TCTN2: variants seen among roughly 807,000 people sequenced by gnomAD.
The protein encoded by TCTN2 is tectonic-2.
TCTN2 carries 66 observed loss-of-function variants against 83.4 expected under a neutral mutation model. The ratio of observed to expected loss-of-function variants is 0.79; its 90% confidence interval spans 0.65 to 0.97. The LOEUF is 0.97. Among genes scored for constraint, TCTN2 ranks in the 50% least tolerant of loss-of-function variants. The pLI is 0.00. For missense variants in TCTN2, 794 were observed against 858.1 expected (o/e 0.93, Z 0.93); for synonymous variants, 301 against 326.7 (o/e 0.92, Z 0.85).
intron 4 of TCTN2, among the ~76,000 whole-genome samples, chr12:123,675,000 C>T (rs1955803753): frequency 1.3e-5 from 2 of 152,128 alleles, no homozygotes; most frequent in African/African-American, 4.8e-5. Flanking sequence ...GCCACAGCCT[C>T]CATAGTAGCT....
intron 4 of TCTN2, among the ~76,000 whole-genome samples, chr12:123,677,162 C>T (rs551189005): frequency 6.6e-6 from 1 of 152,114 alleles, no homozygotes; most frequent in Admixed American, 6.6e-5. Context: ...GCCTGGGCAG[C>T]AGAGTGAGAC....
At chr12:123,679,814 A>G (rs1466300191) in intron 5 of TCTN2, among the ~76,000 whole-genome samples, 1 of 132,152 alleles carries the variant, frequency 7.6e-6, no homozygotes, top group African/African-American at 2.9e-5. Context: ...ATCTTGGCTC[A>G]CTGCAAGCTC....
chr12:123,696,583 T>C, intron 12 of TCTN2, 88 bp downstream of exon 12: 2 of 1,233,010 alleles, frequency 1.6e-6, no homozygotes, highest in Non-Finnish European at 2.4e-6. Context: ...AGCAATCAAT[T>C]ATTTTAAAGC....
At position 123,687,001 on chromosome 12, in the gene TCTN2, A is replaced by G; in HGVS notation, c.730A>G (p.Thr244Ala). The G allele has an allele frequency of 1.9e-6, 3 of 1,614,022 alleles. No homozygotes were observed. The South Asian group carries it at 3.3e-5, about 18-fold the overall frequency. Residue 244 changes from threonine to alanine, a missense_variant, in exon 6 of 18, where the codon ACA becomes GCA. Physicochemically the swap from Thr to Ala is moderately conservative, Grantham distance 58. Coordinates refer to ENST00000303372, the MANE Select transcript of TCTN2 (RefSeq NM_024809.5). ...FLCVQSPLAN[T>A]PFLGYFYHGA... ...GTGTGTGCAGTCCCCCCTTGCCAAC[A>G]CACCCTTCCTTGGTTACTTCTATCA... is the stretch of plus-strand genomic sequence containing the variant.
chr12:123,701,415 A>G (rs570261658), intron 14 of TCTN2, among the ~76,000 whole-genome samples: 1 of 152,290 alleles, frequency 6.6e-6, no homozygotes, highest in South Asian at 2.1e-4. Context: ...TTATATCTCA[A>G]TAAAGCTGTC....
At chr12:123,673,539 A>G (rs1169165189) in intron 3 of TCTN2, 76 bp from the exon 4 acceptor site, 10 of 1,428,092 alleles carry the variant, frequency 7.0e-6, no homozygotes, top group African/African-American at 1.4e-5. Flanking sequence ...GTGTACTTTT[A>G]TTGTGTTTTC....
chr12:123,690,518 G>T lies in TCTN2; in HGVS notation c.892-15G>T, dbSNP rs1386924870. 6.2e-7 allele frequency: 1 copy of T among 1,614,154 alleles called. No individual in the cohort carries two copies. Among genetic ancestry groups the T allele is most frequent in the Non-Finnish European group, 8.5e-7 (1 of 1,180,022 alleles). ...GAGAGGCCATAAATCTGTTGGCTTT[G>T]CCCTTCTCCCTCAGGTGTCCCTGGC... On this transcript the variant is annotated splice_polypyrimidine_tract_variant and intron_variant, in intron 7 of 17. Coordinates refer to ENST00000303372, the MANE Select transcript of TCTN2 (RefSeq NM_024809.5).
intron 5 of TCTN2, among the ~76,000 whole-genome samples, chr12:123,680,747 C>T (rs1274875033): frequency 1.3e-5 from 2 of 151,224 alleles, no homozygotes; most frequent in Non-Finnish European, 2.9e-5. Context: ...AAACTCCTGA[C>T]CTCAGGTGAT....
At chr12:123,681,740 T>C (rs1325593836) in intron 5 of TCTN2, among the ~76,000 whole-genome samples, 1 of 152,230 alleles carries the variant, frequency 6.6e-6, no homozygotes, top group East Asian at 1.9e-4. Flanking sequence ...TATGTTTCCA[T>C]TTCTCTTGGG....
chr12:123,707,797 C>T lies in TCTN2; in HGVS notation c.*84C>T. 1 of 1,064,024 alleles carries T rather than the reference C, an allele frequency of 9.4e-7. No individual in the cohort carries two copies. The highest frequency in any genetic ancestry group is 1.5e-6 in the Non-Finnish European group (1 of 687,076). The allele number at this position is 1,064,024 out of a possible 1,614,324, so 65.9% of individuals were successfully genotyped here. Reference sequence around the variant, plus strand: ...AGTGATCTCGGCTCACCACAACCTCCTCCTCTTGGGTTCAAGCGATTCTCC... The same window carrying T: ...AGTGATCTCGGCTCACCACAACCTCTTCCTCTTGGGTTCAAGCGATTCTCC... On this transcript the variant is annotated 3_prime_UTR_variant, in exon 18 of 18. Transcript: ENST00000303372.
chr12:123,705,985 A>T (rs930206970), intron 15 of TCTN2, among the ~76,000 whole-genome samples: 1 of 151,698 alleles, frequency 6.6e-6, no homozygotes, highest in Admixed American at 6.6e-5. Flanking sequence ...TGAACTCCCA[A>T]CCTGAGGTGA....
At chr12:123,690,497 G>A (rs1378059640) in intron 7 of TCTN2, 36 bp from the exon 8 acceptor site, 4 of 1,613,918 alleles carry the variant, frequency 2.5e-6, no homozygotes, top group South Asian at 1.1e-5. Context: ...TTAGGAGAGA[G>A]GCCATAAATC....
chr12:123,699,554 C>T, intron 13 of TCTN2, 150 bp from the exon 14 acceptor site: 1 of 710,834 alleles, frequency 1.4e-6, no homozygotes, highest in Non-Finnish European at 2.5e-6. Flanking sequence ...CACACCTAGT[C>T]CATGGGTGAC....
rs552564996 is a variant in TCTN2 at position 123,686,882 on chromosome 12, C to T, written c.611C>T (p.Thr204Ile). ...ACGCTGTTCAGACGGTCCTGCTTCA[C>T]CGGCGTGTTTGGAGGAGACGTCAAT... is the stretch of plus-strand genomic sequence containing the variant. ...LTTLFRRSCFTGVFGGDVNPP... is the reference protein window; with the variant it reads ...LTTLFRRSCFIGVFGGDVNPP... Residue 204 changes from threonine to isoleucine, a missense_variant, in exon 6 of 18, where the codon ACC becomes ATC. Coordinates refer to ENST00000303372, the MANE Select transcript of TCTN2 (RefSeq NM_024809.5). 5.0e-6 allele frequency: 8 copies of T among 1,614,114 alleles called. No individual in the cohort carries two copies. Among genetic ancestry groups the T allele is most frequent in the Non-Finnish European group, 5.9e-6 (7 of 1,180,056 alleles).
At chr12:123,680,505 CTTTCTTTTTTCTTTCT>C (rs2135825449) in intron 5 of TCTN2, among the ~76,000 whole-genome samples, 1 of 124,870 alleles carries the variant, frequency 8.0e-6, no homozygotes, top group African/African-American at 3.1e-5. Context: ...ACTCTATTTT[CTTTCTTTTTTCTTTCT>C]TTTTTTTTTT....
intron 6 of TCTN2, among the ~76,000 whole-genome samples, chr12:123,687,520 G>A (rs992212272): frequency 2.6e-5 from 4 of 152,158 alleles, no homozygotes; most frequent in Admixed American, 2.0e-4. Flanking sequence ...AGCCAGGCGT[G>A]GTGGCACGTG....
intron 16 of TCTN2, 51 bp from the exon 17 acceptor site, chr12:123,706,933 GT>G: frequency 6.2e-7 from 1 of 1,613,486 alleles, no homozygotes; most frequent in East Asian, 2.2e-5. Context: ...CTTTAATCAA[GT>G]TCTGATACTT....
Position 123,696,400 on chromosome 12 carries a change from G to A in TCTN2, c.1313-15G>A, listed in dbSNP as rs1188597554. 3.1e-6 allele frequency: 5 copies of A among 1,611,056 alleles called. No individual in the cohort carries two copies. In the Admixed American group the frequency reaches 5.0e-5, roughly 16 times the overall value. On this transcript the variant is annotated splice_polypyrimidine_tract_variant and intron_variant, in intron 11 of 17. Transcript: ENST00000303372. ...GGAGGAAACAGGCTCACGTTCCTTT[G>A]TTGTGTTTGTCTAGGTTACCAACTT... is the stretch of plus-strand genomic sequence containing the variant.
chr12:123,695,268 G>T lies in TCTN2; in HGVS notation c.1283G>T (p.Gly428Val). ...FVVKFLSYNS[G>V]NEEELSGNPG... is the part of the protein sequence containing the mutation. The stretch of plus-strand genomic sequence containing the variant: ...GTAAAATTTTTAAGCTATAATAGTG[G>T]TAATGAAGAAGAATTATCTGGAAAT... Residue 428 changes from glycine (G) to valine (V), a missense_variant, in exon 11 of 18, where the codon GGT (glycine) becomes GTT (valine). Transcript: ENST00000303372. The T allele has an allele frequency of 6.3e-7, 1 of 1,581,260 alleles. No homozygotes were observed. Among genetic ancestry groups the T allele is most frequent in the African/African-American group, 1.3e-5 (1 of 74,358 alleles).
Sources: gnomAD v4.1 joint callset for allele counts (sites outside exome capture counted in the v4.1 genomes callset) on GRCh38, gnomAD v4.1.1 for gene constraint, MANE v1.5 for transcripts, NCBI Gene and HGNC (gene_info 2026-07-23, HGNC 2026-07-21) for gene names.